The following TMEM132D variants were observed in gnomAD, a reference collection of about 807,000 sequenced individuals.
TMEM132D encodes mature OL transmembrane protein.
Under a neutral mutation model 62.3 loss-of-function variants are expected in TMEM132D, and 21 were observed. The ratio of observed to expected loss-of-function variants is 0.34; its 90% CI spans 0.24 to 0.49. TMEM132D has a LOEUF of 0.49. Ranked by LOEUF, TMEM132D falls within the 20% of genes least tolerant of loss-of-function variation. The pLI, the probability that TMEM132D is intolerant of heterozygous loss-of-function variation, is 0.99. For missense variants in TMEM132D, 1,346 were observed against 1,402.8 expected, an observed-to-expected ratio of 0.96 and a Z score of 0.65; for synonymous variants, 621 against 575.6, an observed-to-expected ratio of 1.08 and a Z score of -1.13.
Position 129,735,093 on chromosome 12 carries a change from C to T in TMEM132D, c.80-34395G>A, listed in dbSNP as rs73158882. 1.0e-2 allele frequency among the ~76,000 whole-genome samples: 1,518 copies of T among 152,144 alleles called. 15 individuals are homozygous for T. Among genetic ancestry groups the T allele is most frequent in the Non-Finnish European group, 0.017 (1,126 of 67,998 alleles). ...TGAAAGTTAAATATTTAAACTATTACAATTAAAAAAATACACAAAATTCAG... is the reference window on the plus strand; with the variant it reads ...TGAAAGTTAAATATTTAAACTATTATAATTAAAAAAATACACAAAATTCAG... On this transcript the variant is annotated intron_variant, in intron 1 of 8. Coordinates refer to ENST00000422113, the MANE Select transcript of TMEM132D (RefSeq NM_133448.3).
chr12:129,899,212 G>A lies in TMEM132D; in HGVS notation c.79+4049C>T, dbSNP rs1414328454. Among the ~76,000 whole-genome samples the A allele has an allele frequency of 4.4e-5, 6 of 135,108 alleles. 1 individual carries two copies. The highest frequency in any genetic ancestry group is 7.8e-5 in the Non-Finnish European group (5 of 63,876). 88.6% of individuals were successfully genotyped at this position (135,108 alleles called of 152,430 possible). A position where few individuals can be genotyped will look rare whatever the true frequency, so the allele number is the denominator to read the frequency against. The stretch of plus-strand genomic sequence containing the variant: ...GGAATGATGAATGAATGGATGGATG[G>A]GCAGACAGACAGATGGAAGGATGGA... On this transcript the variant is annotated intron_variant, in intron 1 of 8. Transcript: ENST00000422113.
chr12:129,114,211 C>T (rs749253280), intron 5 of TMEM132D, among the ~76,000 whole-genome samples: 6 of 152,102 alleles, frequency 3.9e-5, no homozygotes, highest in African/African-American at 7.2e-5. Flanking sequence ...CTGTTCCCAG[C>T]GGACATATGG....
chr12:129,628,484 G>T (rs114166437), intron 2 of TMEM132D, among the ~76,000 whole-genome samples: 1 of 152,164 alleles, frequency 6.6e-6, no homozygotes, highest in Non-Finnish European at 1.5e-5. Context: ...AGGCAGGAAG[G>T]CTTGCCCAGA....
At chr12:129,690,579 G>A (rs1881040452) in intron 2 of TMEM132D, among the ~76,000 whole-genome samples, 1 of 152,218 alleles carries the variant, frequency 6.6e-6, no homozygotes, top group East Asian at 1.9e-4. Flanking sequence ...TTACAAAAAG[G>A]AAAATTATCA....
intron 1 of TMEM132D, among the ~76,000 whole-genome samples, chr12:129,800,803 C>T (rs1871747517): frequency 6.6e-6 from 1 of 152,054 alleles, no homozygotes; most frequent in African/African-American, 2.4e-5. Context: ...ATCTGAGGTA[C>T]CGGGCTCATC....
chr12:129,275,364 G>C (rs1038909635), intron 4 of TMEM132D, among the ~76,000 whole-genome samples: 3 of 152,068 alleles, frequency 2.0e-5, no homozygotes, highest in African/African-American at 7.2e-5. Flanking sequence ...AACAGAAATA[G>C]GAACATAGAA....
chr12:129,573,987 C>T (rs1185527980), intron 2 of TMEM132D, among the ~76,000 whole-genome samples: 1 of 151,748 alleles, frequency 6.6e-6, no homozygotes, highest in East Asian at 1.9e-4. Flanking sequence ...CTCTATGGGG[C>T]CCGGGTGATG....
chr12:129,213,312 G>C (rs564069774), intron 4 of TMEM132D, among the ~76,000 whole-genome samples: 1 of 152,144 alleles, frequency 6.6e-6, no homozygotes, highest in Non-Finnish European at 1.5e-5. Flanking sequence ...GGGCAATACA[G>C]TGAGACCCTG....
Position 129,613,703 on chromosome 12 carries a change from C to T in TMEM132D, c.969-82498G>A, listed in dbSNP as rs1878838288. Among the ~76,000 whole-genome samples, 3 of 152,184 alleles carry T rather than the reference C, an allele frequency of 2.0e-5. No individual in the cohort carries two copies. The South Asian group carries it at 6.2e-4, about 32-fold the overall frequency. On this transcript the variant is annotated intron_variant, in intron 2 of 8. Coordinates refer to ENST00000422113, the MANE Select transcript of TMEM132D (RefSeq NM_133448.3). Reference sequence around the variant, plus strand: ...GTCTCCAGCACCCAGAAGACTGGCTCGAGAACCCAGGCAACTGTCTCCAGA... The same window carrying T: ...GTCTCCAGCACCCAGAAGACTGGCTTGAGAACCCAGGCAACTGTCTCCAGA...
At chr12:129,387,409 TCACTAA>T (rs1356962041) in intron 3 of TMEM132D, among the ~76,000 whole-genome samples, 2 of 150,796 alleles carry the variant, frequency 1.3e-5, no homozygotes, top group Admixed American at 6.6e-5. Context: ...ATCAACCATA[TCACTAA>T]CACTAACGCC....
At chr12:129,572,596 T>C (rs903429943) in intron 2 of TMEM132D, among the ~76,000 whole-genome samples, 9 of 152,138 alleles carry the variant, frequency 5.9e-5, no homozygotes, top group African/African-American at 2.2e-4. Context: ...TTACTAGGCA[T>C]GCGGCATCAC....
At chr12:129,387,652 C>A (rs557087206) in intron 3 of TMEM132D, among the ~76,000 whole-genome samples, 1 of 152,122 alleles carries the variant, frequency 6.6e-6, no homozygotes, top group East Asian at 1.9e-4. Context: ...AATGCTAATG[C>A]CATGTGCCAA....
chr12:129,478,566 T>C (rs965009059), intron 3 of TMEM132D, among the ~76,000 whole-genome samples: 1 of 152,210 alleles, frequency 6.6e-6, no homozygotes, highest in Non-Finnish European at 1.5e-5. Flanking sequence ...AGTATTTCAT[T>C]TGGAAAGAGA....
At chr12:129,519,289 C>G (rs1875777561) in intron 3 of TMEM132D, among the ~76,000 whole-genome samples, 1 of 152,126 alleles carries the variant, frequency 6.6e-6, no homozygotes, top group South Asian at 2.1e-4. Context: ...TTTTCGCCAA[C>G]AGAAGCCACA....
chr12:129,582,701 C>A (rs1367132823), intron 2 of TMEM132D, among the ~76,000 whole-genome samples: 2 of 149,404 alleles, frequency 1.3e-5, no homozygotes, highest in African/African-American at 2.5e-5. Context: ...TCACTGCAAC[C>A]TCCGCCTCCC....
At chr12:129,495,719 G>A (rs1874931456) in intron 3 of TMEM132D, among the ~76,000 whole-genome samples, 1 of 152,134 alleles carries the variant, frequency 6.6e-6, no homozygotes, top group South Asian at 2.1e-4. Context: ...AATGGGGAGT[G>A]CCGAAGGCTT....
At position 129,462,290 on chromosome 12, in the gene TMEM132D, C is replaced by T. The variant is rs143640739; in HGVS notation, c.1115+68769G>A. 1.2e-3 allele frequency among the ~76,000 whole-genome samples: 182 copies of T among 152,144 alleles called. 1 individual carries two copies. The East Asian group carries it at 0.015, about 12-fold the overall frequency. On this transcript the variant is annotated intron_variant, in intron 3 of 8. Transcript: ENST00000422113. ...AGGAAGCACACTGCATTGGAAGAGA[C>T]GCTCAGGGAAACACAGAGACAGGCA...
At chr12:129,465,348 T>A (rs1462003948) in intron 3 of TMEM132D, among the ~76,000 whole-genome samples, 1 of 152,178 alleles carries the variant, frequency 6.6e-6, no homozygotes, top group African/African-American at 2.4e-5. Context: ...TCATATTGAA[T>A]GGACAAAAAC....
intron 3 of TMEM132D, among the ~76,000 whole-genome samples, chr12:129,509,262 C>T (rs1875428964): frequency 6.6e-6 from 1 of 152,116 alleles, no homozygotes. Context: ...AATTCACTTT[C>T]AAGTTAATTT....
Sources: gnomAD v4.1 joint callset for allele counts (sites outside exome capture counted in the v4.1 genomes callset) on GRCh38, gnomAD v4.1.1 for gene constraint, MANE v1.5 for transcripts, NCBI Gene and HGNC (gene_info 2026-07-23, HGNC 2026-07-21) for gene names.